Variants in ZCWPW2 observed in about 807,000 individuals in gnomAD.
ZCWPW2 encodes the protein zinc finger CW-type and PWWP domain containing 2.
ZCWPW2 carries 45 observed loss-of-function variants against 46.6 expected under a neutral mutation model. The observed-to-expected ratio is 0.96, with a 90% CI of 0.76 to 1.24. The LOEUF is 1.24. ZCWPW2 is among the 50% of genes most tolerant of loss of function. The pLI, the probability that ZCWPW2 is intolerant of heterozygous loss-of-function variation, is 0.00. For missense variants in ZCWPW2, 429 were observed against 403.9 expected, an observed-to-expected ratio of 1.06 and a Z score of -0.53; for synonymous variants, 152 against 137.1, an observed-to-expected ratio of 1.11 and a Z score of -0.76.
intron 4 of ZCWPW2, among the ~76,000 whole-genome samples, chr3:28,454,945 C>G (rs1698367804): frequency 6.6e-6 from 1 of 152,144 alleles, no homozygotes; most frequent in African/African-American, 2.4e-5. Flanking sequence ...ACAGTGAACA[C>G]ATGTGTGCAT....
At chr3:28,478,124 G>C (rs908463142) in intron 4 of ZCWPW2, among the ~76,000 whole-genome samples, 2 of 152,126 alleles carry the variant, frequency 1.3e-5, no homozygotes, top group Non-Finnish European at 2.9e-5. Flanking sequence ...GATGTATGTA[G>C]TGTTATCATT....
intron 4 of ZCWPW2, among the ~76,000 whole-genome samples, chr3:28,448,325 A>T (rs1698076501): frequency 6.6e-6 from 1 of 152,166 alleles, no homozygotes; most frequent in Non-Finnish European, 1.5e-5. Context: ...TATAAAAATG[A>T]TTCCATTTAC....
intron 1 of ZCWPW2, among the ~76,000 whole-genome samples, chr3:28,360,218 A>C (rs1461470744): frequency 6.6e-6 from 1 of 151,924 alleles, no homozygotes; most frequent in Non-Finnish European, 1.5e-5. Flanking sequence ...AAGACAAAAC[A>C]ATTCTGGCCG....
chr3:28,430,741 A>G (rs1421860920), intron 3 of ZCWPW2, among the ~76,000 whole-genome samples: 1 of 152,008 alleles, frequency 6.6e-6, no homozygotes, highest in Non-Finnish European at 1.5e-5. Flanking sequence ...TGCTCTTCTC[A>G]TAATAGTGAG....
chr3:28,471,458 A>G (rs1699038509), intron 4 of ZCWPW2, among the ~76,000 whole-genome samples: 3 of 152,150 alleles, frequency 2.0e-5, no homozygotes, highest in Admixed American at 6.5e-5. Flanking sequence ...GCATACACAA[A>G]TCAATCAGTG....
intron 2 of ZCWPW2, among the ~76,000 whole-genome samples, chr3:28,405,078 T>C (rs1426397100): frequency 6.6e-6 from 1 of 152,154 alleles, no homozygotes; most frequent in Non-Finnish European, 1.5e-5. Flanking sequence ...TTATCACATC[T>C]CACATAAAAA....
intron 4 of ZCWPW2, 22 bp from the exon 5 acceptor site, chr3:28,478,792 T>C (rs1163344584): frequency 7.5e-7 from 1 of 1,326,378 alleles, no homozygotes; most frequent in Non-Finnish European, 1.0e-6. Flanking sequence ...TGAATTTTTT[T>C]CTTTTTTCTG....
intron 2 of ZCWPW2, among the ~76,000 whole-genome samples, chr3:28,404,651 AAAGAAAC>A (rs1696084244): frequency 6.6e-6 from 1 of 152,232 alleles, no homozygotes; most frequent in Non-Finnish European, 1.5e-5. Context: ...ATGAGTGGAT[AAAGAAAC>A]AAGAAACAGT....
chr3:28,450,436 T>C (rs1273945469), intron 4 of ZCWPW2, among the ~76,000 whole-genome samples: 3 of 152,236 alleles, frequency 2.0e-5, no homozygotes, highest in African/African-American at 7.2e-5. Flanking sequence ...TTTGACTTAA[T>C]GTTTATAGCA....
intron 6 of ZCWPW2, among the ~76,000 whole-genome samples, chr3:28,513,351 T>C (rs555986962): frequency 1.2e-4 from 18 of 152,328 alleles, no homozygotes; most frequent in African/African-American, 4.3e-4. Flanking sequence ...TCAGGAGACA[T>C]GAAATTGGAT....
At chr3:28,357,667 CT>C (rs1704789434) in intron 1 of ZCWPW2, among the ~76,000 whole-genome samples, 11 of 151,752 alleles carry the variant, frequency 7.2e-5, no homozygotes, top group Admixed American at 7.2e-4. Flanking sequence ...TTTTGCAAGC[CT>C]TTGGACTTAT....
intron 2 of ZCWPW2, among the ~76,000 whole-genome samples, chr3:28,399,375 A>AT (rs1695835130): frequency 6.6e-6 from 1 of 152,060 alleles, no homozygotes; most frequent in Admixed American, 6.5e-5. Flanking sequence ...CAAATGGCAT[A>AT]TACTCTTGGG....
chr3:28,439,619 A>G (rs1697666374), intron 4 of ZCWPW2, among the ~76,000 whole-genome samples: 2 of 152,174 alleles, frequency 1.3e-5, no homozygotes, highest in Admixed American at 1.3e-4. Context: ...ATCTTCAAAT[A>G]AAGACAATAA....
At chr3:28,467,535 G>A (rs1046852334) in intron 4 of ZCWPW2, among the ~76,000 whole-genome samples, 4 of 152,186 alleles carry the variant, frequency 2.6e-5, no homozygotes, top group African/African-American at 2.4e-5. Context: ...TGGGCCTTGG[G>A]TGAGACCCAG....
At chr3:28,431,549 T>G (rs1697259509) in intron 3 of ZCWPW2, among the ~76,000 whole-genome samples, 1 of 152,142 alleles carries the variant, frequency 6.6e-6, no homozygotes, top group South Asian at 2.1e-4. Context: ...AATGAACTCA[T>G]TTTAACGTCA....
chr3:28,429,546 A>G (rs1697158472), intron 3 of ZCWPW2, among the ~76,000 whole-genome samples: 1 of 152,232 alleles, frequency 6.6e-6, no homozygotes, highest in Non-Finnish European at 1.5e-5. Context: ...CCATTTTCTG[A>G]GAAGAAATTC....
chr3:28,397,587 T>C (rs750311097), intron 2 of ZCWPW2, among the ~76,000 whole-genome samples: 1 of 152,026 alleles, frequency 6.6e-6, no homozygotes. Flanking sequence ...GGAGAATCAC[T>C]TGAAGCCAAG....
At chr3:28,420,991 A>T (rs1696758997) in intron 3 of ZCWPW2, among the ~76,000 whole-genome samples, 1 of 152,072 alleles carries the variant, frequency 6.6e-6, no homozygotes, top group Admixed American at 6.5e-5. Context: ...TTGGTTCTTT[A>T]TATTTCCTAT....
chr3:28,348,942 A>G lies in ZCWPW2; in HGVS notation c.-395A>G. The stretch of plus-strand genomic sequence containing the variant: ...AGCACGGGCCGGAGGGAGGGGAAGC[A>G]CTCCGGAAAGTGATTGGAAGTGTGG... On this transcript the variant is annotated 5_prime_UTR_variant, in exon 1 of 10. Transcript: ENST00000383768. 1 of 985,056 alleles carries G rather than the reference A, an allele frequency of 1.0e-6. No homozygotes were observed. The highest frequency in any genetic ancestry group is 4.7e-5 in the South Asian group (1 of 21,280). The allele number at this position is 985,056 out of a possible 1,614,324, so 61.0% of individuals were successfully genotyped here.
Sources: gnomAD v4.1 joint callset for allele counts (sites outside exome capture counted in the v4.1 genomes callset) on GRCh38, gnomAD v4.1.1 for gene constraint, MANE v1.5 for transcripts, NCBI Gene and HGNC (gene_info 2026-07-23, HGNC 2026-07-21) for gene names.